MTCL2: variants seen among roughly 807,000 people sequenced by gnomAD.
MTCL2 encodes microtubule crosslinking factor 2, also known as microtubule cross-linking factor 2.
chr20:36,830,255 G>T, the MTCL2 span, among the ~76,000 whole-genome samples: 1 of 152,086 alleles, frequency 6.6e-6, no homozygotes, highest in Non-Finnish European at 1.5e-5. Context: ...GGGTACAGTA[G>T]CTCACACCTG....
At chr20:36,811,911 T>C in the MTCL2 span, among the ~76,000 whole-genome samples, 1 of 152,202 alleles carries the variant, frequency 6.6e-6, no homozygotes. Flanking sequence ...ACCCAGTCCG[T>C]AGGAGCCTTT....
At chr20:36,795,813 C>T in the MTCL2 span, among the ~76,000 whole-genome samples, 1 of 151,936 alleles carries the variant, frequency 6.6e-6, no homozygotes, top group East Asian at 1.9e-4. Context: ...AAACACACGC[C>T]CAAACCGAAG....
chr20:36,793,899 G>A, the MTCL2 span: 3 of 1,550,912 alleles, frequency 1.9e-6, no homozygotes, highest in Admixed American at 2.0e-5. The surrounding 1 kb of genome is among the most constrained non-coding windows in gnomAD (Gnocchi z 6.8). Context: ...CTGCTGCGGG[G>A]TGGGTCGGTC....
At chr20:36,808,563 G>T in the MTCL2 span, 1 of 1,610,228 alleles carries the variant, frequency 6.2e-7, no homozygotes, top group Middle Eastern at 1.7e-4. Flanking sequence ...TGCCGCCAGC[G>T]CTTGAGGAAC....
chr20:36,800,698 A>G, the MTCL2 span, among the ~76,000 whole-genome samples: 1 of 152,246 alleles, frequency 6.6e-6, no homozygotes, highest in African/African-American at 2.4e-5. Context: ...AAGATCCATA[A>G]ACTCATGAAA....
chr20:36,862,929 G>A, the MTCL2 span: 1 of 1,362,638 alleles, frequency 7.3e-7, no homozygotes. Context: ...GCTGCTCAGC[G>A]CCAGCTCCAG....
the MTCL2 span, chr20:36,839,423 G>A: frequency 2.5e-6 from 4 of 1,613,246 alleles, no homozygotes; most frequent in Non-Finnish European, 2.5e-6. This position sits in a 1 kb window ranked among gnomAD's most constrained non-coding sequence, Gnocchi z 5.1. Flanking sequence ...ATCTCGGCCC[G>A]CAGCTCCTCA....
At chr20:36,823,919 C>T in the MTCL2 span, among the ~76,000 whole-genome samples, 219 of 152,274 alleles carry the variant, frequency 1.4e-3, no homozygotes, top group African/African-American at 5.1e-3. Context: ...AAGGCAGAAC[C>T]GGGCTTTGAA....
chr20:36,833,803 T>C, the MTCL2 span, among the ~76,000 whole-genome samples: 1 of 151,878 alleles, frequency 6.6e-6, no homozygotes, highest in African/African-American at 2.4e-5. Context: ...CAGTGAGCTG[T>C]GATCAGCCAC....
At chr20:36,855,445 G>A in the MTCL2 span, among the ~76,000 whole-genome samples, 3 of 152,206 alleles carry the variant, frequency 2.0e-5, no homozygotes, top group Non-Finnish European at 2.9e-5. Flanking sequence ...GCAGGTAGAT[G>A]CAGTGCTGAC....
chr20:36,829,222 G>A, the MTCL2 span: 2 of 1,602,060 alleles, frequency 1.2e-6, no homozygotes. Flanking sequence ...CCTGTGCAGG[G>A]GTGGGAGAGA....
chr20:36,849,300 C>A, the MTCL2 span, among the ~76,000 whole-genome samples: 3 of 151,768 alleles, frequency 2.0e-5, no homozygotes, highest in African/African-American at 7.3e-5. Flanking sequence ...GACAGGTAAT[C>A]CACCCGCCTC....
At chr20:36,845,608 C>A in the MTCL2 span, among the ~76,000 whole-genome samples, 1 of 152,214 alleles carries the variant, frequency 6.6e-6, no homozygotes, top group African/African-American at 2.4e-5. Context: ...GCGGGAGAGG[C>A]TGGCGAATGC....
At chr20:36,832,526 T>C in the MTCL2 span, among the ~76,000 whole-genome samples, 3 of 152,174 alleles carry the variant, frequency 2.0e-5, no homozygotes, top group Non-Finnish European at 2.9e-5. Flanking sequence ...CTTTCCCTGA[T>C]GGCTGCTGTA....
chr20:36,777,575 G>A, the MTCL2 span: 2 of 429,818 alleles, frequency 4.7e-6, no homozygotes, highest in Admixed American at 8.8e-5. Context: ...GACTGCAGTT[G>A]TCCTAGCACC....
the MTCL2 span, chr20:36,784,831 C>A: frequency 2.0e-6 from 2 of 985,524 alleles, no homozygotes; most frequent in Non-Finnish European, 2.4e-6. Context: ...CTGGTGAGAA[C>A]CGAGGCAGGC....
chr20:36,794,131 T>A, the MTCL2 span: 444 of 1,551,474 alleles, frequency 2.9e-4, 5 homozygotes, highest in Middle Eastern at 0.012. This position sits in a 1 kb window ranked among gnomAD's most constrained non-coding sequence, Gnocchi z 5.4. Context: ...GGCTGCCCGC[T>A]GAGCCTCCGT....
the MTCL2 span, chr20:36,804,822 A>G: frequency 3.7e-6 from 6 of 1,613,966 alleles, no homozygotes; most frequent in Non-Finnish European, 5.1e-6. Flanking sequence ...CCGTCAGACC[A>G]CGGCGTTCAT....
chr20:36,790,948 C>T, the MTCL2 span, among the ~76,000 whole-genome samples: 1 of 152,146 alleles, frequency 6.6e-6, no homozygotes, highest in Non-Finnish European at 1.5e-5. Context: ...AAGTAACGCA[C>T]TCGCCACACA....
Sources: allele counts gnomAD v4.1 joint callset (sites outside exome capture counted in the v4.1 genomes callset), GRCh38; gene constraint gnomAD v4.1.1; non-coding constraint Gnocchi (gnomAD v3.1); transcripts MANE v1.5; gene names NCBI Gene and HGNC (gene_info 2026-07-23, HGNC 2026-07-21).